SOX5: variants seen among roughly 807,000 people sequenced by gnomAD.
SOX5 encodes the protein transcription factor SOX-5.
Under a neutral mutation model 92.0 loss-of-function variants are expected in SOX5, and 9 were observed. That is an observed-to-expected ratio of 0.10 (90% CI 0.06 to 0.17). The LOEUF (loss-of-function observed/expected upper bound fraction) is 0.17. Ranked by LOEUF, SOX5 falls within the 10% of genes least tolerant of loss-of-function variation. The pLI, the probability that SOX5 is intolerant of heterozygous loss-of-function variation, is 1.00. For missense variants in SOX5, 642 were observed against 944.5 expected (o/e 0.68, Z 4.20); for synonymous variants, 344 against 336.3 (o/e 1.02, Z -0.25).
intron 4 of SOX5, among the ~76,000 whole-genome samples, chr12:24,066,285 A>G (rs1215107505): frequency 6.6e-6 from 1 of 152,232 alleles, no homozygotes; most frequent in African/African-American, 2.4e-5. Flanking sequence ...AAAAATCACA[A>G]TGTGACTCAT....
chr12:24,223,874 C>T (rs977510033), intron 3 of SOX5, among the ~76,000 whole-genome samples: 4 of 152,186 alleles, frequency 2.6e-5, no homozygotes, highest in Admixed American at 2.6e-4. Flanking sequence ...CTGACTCGAC[C>T]TATTGTTAGA....
chr12:23,791,317 G>A (rs768696895), intron 3 of SOX5, among the ~76,000 whole-genome samples: 21 of 152,184 alleles, frequency 1.4e-4, no homozygotes, highest in Non-Finnish European at 4.4e-5. Context: ...TAGAAACAGA[G>A]TCTCACTATG....
At chr12:24,512,467 A>G (rs1241161676) in intron 1 of SOX5, among the ~76,000 whole-genome samples, 1 of 152,266 alleles carries the variant, frequency 6.6e-6, no homozygotes, top group East Asian at 1.9e-4. Flanking sequence ...ACTGAAAAAT[A>G]CTTAAGACTC....
chr12:24,330,050 T>G (rs1343119902), intron 2 of SOX5, among the ~76,000 whole-genome samples: 1 of 151,538 alleles, frequency 6.6e-6, no homozygotes, highest in Non-Finnish European at 1.5e-5. Context: ...AGTATAAAAT[T>G]AAAAACCTAA....
At chr12:24,249,019 A>G (rs1939482395) in intron 3 of SOX5, among the ~76,000 whole-genome samples, 1 of 152,226 alleles carries the variant, frequency 6.6e-6, no homozygotes, top group Non-Finnish European at 1.5e-5. Flanking sequence ...GTGCTAAAGA[A>G]TGGCTTGCAC....
At chr12:23,941,588 A>T (rs1354385073) in intron 1 of SOX5, among the ~76,000 whole-genome samples, 3 of 151,474 alleles carry the variant, frequency 2.0e-5, no homozygotes, top group African/African-American at 7.3e-5. Context: ...TCTTTCTTTT[A>T]CCATTCCTAG....
At chr12:23,893,938 C>T (rs1486071341) in intron 2 of SOX5, among the ~76,000 whole-genome samples, 5 of 152,132 alleles carry the variant, frequency 3.3e-5, no homozygotes, top group Non-Finnish European at 7.4e-5. Flanking sequence ...AATAGATAAT[C>T]AGAATATGAA....
intron 1 of SOX5, among the ~76,000 whole-genome samples, chr12:24,553,874 G>T (rs1953475575): frequency 6.6e-6 from 1 of 152,220 alleles, no homozygotes; most frequent in African/African-American, 2.4e-5. Flanking sequence ...CTATCTGTTT[G>T]TTTCATATGC....
At chr12:24,000,879 T>C (rs1951534048) in intron 4 of SOX5, among the ~76,000 whole-genome samples, 1 of 152,092 alleles carries the variant, frequency 6.6e-6, no homozygotes, top group Admixed American at 6.5e-5. Flanking sequence ...ACAGAAATCC[T>C]AAAAGAGTTA....
intron 3 of SOX5, among the ~76,000 whole-genome samples, chr12:24,242,596 C>G (rs1380932756): frequency 6.6e-6 from 1 of 152,052 alleles, no homozygotes; most frequent in Non-Finnish European, 1.5e-5. Context: ...ATTCCAAACA[C>G]GTATAGTCAC....
chr12:24,009,046 G>A (rs759685732), intron 4 of SOX5, among the ~76,000 whole-genome samples: 18 of 152,106 alleles, frequency 1.2e-4, no homozygotes, highest in Non-Finnish European at 2.1e-4. Context: ...GAGGCTGCAG[G>A]GAAAAGAAAA....
chr12:23,703,364 A>C (rs2090933751), intron 6 of SOX5, among the ~76,000 whole-genome samples: 1 of 152,018 alleles, frequency 6.6e-6, no homozygotes, highest in African/African-American at 2.4e-5. Flanking sequence ...TAGTGTAATT[A>C]ATGCAGAGTC....
chr12:23,799,571 A>T (rs1185613402), intron 3 of SOX5, among the ~76,000 whole-genome samples: 2 of 152,112 alleles, frequency 1.3e-5, no homozygotes, highest in Admixed American at 6.6e-5. Context: ...AAGTGAAAAC[A>T]TTCTACATAG....
chr12:23,798,750 A>T (rs1040728493), intron 3 of SOX5, among the ~76,000 whole-genome samples: 2 of 151,960 alleles, frequency 1.3e-5, no homozygotes, highest in Admixed American at 6.6e-5. Flanking sequence ...ACTGTATTTT[A>T]AAAAAACTTG....
intron 4 of SOX5, among the ~76,000 whole-genome samples, chr12:24,142,083 T>A (rs778701077): frequency 6.6e-6 from 1 of 152,158 alleles, no homozygotes; most frequent in African/African-American, 2.4e-5. Context: ...ACAGAAAATT[T>A]CTCCTTTTTC....
intron 2 of SOX5, among the ~76,000 whole-genome samples, chr12:24,283,915 G>C (rs1202671338): frequency 6.6e-6 from 1 of 152,162 alleles, no homozygotes; most frequent in Non-Finnish European, 1.5e-5. Context: ...GAATATTCCA[G>C]CTAAAGTAGA....
intron 1 of SOX5, among the ~76,000 whole-genome samples, chr12:23,949,031 G>C (rs1485402997): frequency 6.6e-6 from 1 of 151,972 alleles, no homozygotes; most frequent in Non-Finnish European, 1.5e-5. Flanking sequence ...TTTTCTTTGG[G>C]GGGAAAAAAC....
At chr12:23,974,427 C>A (rs1948689856) in intron 4 of SOX5, among the ~76,000 whole-genome samples, 1 of 151,946 alleles carries the variant, frequency 6.6e-6, no homozygotes, top group East Asian at 1.9e-4. Context: ...GTGACCCAGA[C>A]AAATTCTACT....
rs547144910 is a variant in SOX5, at chr12:23,957,853, A to T, written c.-1-61829T>A. Reference sequence around the variant, plus strand: ...TACCCGTATTTTAAATCATCTATATATTAAAATCTTAATGTATAAACTGCA... The same window carrying T: ...TACCCGTATTTTAAATCATCTATATTTTAAAATCTTAATGTATAAACTGCA... On this transcript the variant is annotated intron_variant, in intron 4 of 4. Coordinates refer to the SOX5 transcript ENST00000446891. 3.9e-5 allele frequency among the ~76,000 whole-genome samples: 6 copies of T among 152,298 alleles called. No homozygotes were observed. In the South Asian group the frequency reaches 1.2e-3, roughly 32 times the overall value.
Sources: gnomAD v4.1 joint callset for allele counts (sites outside exome capture counted in the v4.1 genomes callset) on GRCh38, gnomAD v4.1.1 for gene constraint, MANE v1.5 for transcripts, NCBI Gene and HGNC (gene_info 2026-07-23, HGNC 2026-07-21) for gene names.